COL22A1: variants seen among roughly 807,000 people sequenced by gnomAD.
The protein encoded by COL22A1 is collagen type XXII alpha 1 chain.
In COL22A1, 221 loss-of-function variants were observed where a neutral mutation model predicts 248.9. That is an observed-to-expected ratio of 0.89 (90% CI 0.80 to 0.99). The LOEUF is 0.99. Among genes scored for constraint, COL22A1 ranks in the 50% least tolerant of loss-of-function variants. The pLI, the probability that COL22A1 is intolerant of heterozygous loss-of-function variation, is 0.00. For synonymous variants in COL22A1, 891 were observed against 793.4 expected (o/e 1.12, Z -2.07); for missense variants, 2,240 against 2,179.0 (o/e 1.03, Z -0.56).
At chr8:138,834,652 G>T in intron 4 of COL22A1, among the ~76,000 whole-genome samples, 1 of 152,128 alleles carries the variant, frequency 6.6e-6, no homozygotes, top group South Asian at 2.1e-4. Flanking sequence ...GTAAAAAGGG[G>T]ATTATTTTCG....
At chr8:138,887,157 T>A (rs1205628946) in intron 1 of COL22A1, among the ~76,000 whole-genome samples, 3 of 152,122 alleles carry the variant, frequency 2.0e-5, no homozygotes, top group Non-Finnish European at 4.4e-5. Flanking sequence ...TCTATTCTTT[T>A]ACCTGTTAAC....
At position 138,703,321 on chromosome 8, in the gene COL22A1, G is replaced by T; in HGVS notation, c.2544C>A (p.Pro848=). 1.9e-6 allele frequency: 3 copies of T among 1,613,592 alleles called. No individual in the cohort carries two copies. The highest frequency in any genetic ancestry group is 2.2e-5 in the South Asian group (2 of 91,064). Residue 848 remains proline (P), a synonymous_variant, in exon 31 of 65, where the codon CCC becomes CCA. Transcript: ENST00000303045. ...AGTAACTTACAGTTCCAGGTAACCC[G>T]GGAGGGCCTGCAGGACCAGCTTCAC... ...EKGEAGPAGP[P]GLPGTTSLFT...
intron 31 of COL22A1, among the ~76,000 whole-genome samples, chr8:138,702,869 G>A (rs1412155597): frequency 6.6e-6 from 1 of 152,108 alleles, no homozygotes; most frequent in Non-Finnish European, 1.5e-5. Flanking sequence ...AGAGCTGGGA[G>A]CCAGGTCTTC....
intron 3 of COL22A1, among the ~76,000 whole-genome samples, chr8:138,853,084 A>C (rs1253733734): frequency 6.6e-6 from 1 of 152,204 alleles, no homozygotes. Context: ...CCTGAGGCAG[A>C]GAATCACTTG....
intron 59 of COL22A1, 132 bp downstream of exon 59, chr8:138,604,602 G>A: frequency 3.9e-6 from 3 of 773,234 alleles, no homozygotes; most frequent in Admixed American, 4.7e-5. Context: ...AAGGCATTAA[G>A]AATTTCAAAA....
In COL22A1 at chr8:138,703,293, C is replaced by T. The variant is rs779082216; in HGVS notation, c.2559+13G>A. On this transcript the variant is annotated intron_variant, in intron 31 of 64. Coordinates refer to ENST00000303045, the MANE Select transcript of COL22A1 (RefSeq NM_152888.3). ...AATTCAGAGGAGAAAGAATTAGAAG[C>T]GGAGTAACTTACAGTTCCAGGTAAC... The T allele has an allele frequency of 1.6e-5, 26 of 1,609,938 alleles. No homozygotes were observed. Among genetic ancestry groups the T allele is most frequent in the South Asian group, 1.5e-4 (14 of 91,006 alleles).
chr8:138,843,453 T>C (rs1821025654), intron 4 of COL22A1, among the ~76,000 whole-genome samples: 1 of 151,978 alleles, frequency 6.6e-6, no homozygotes, highest in South Asian at 2.1e-4. Flanking sequence ...TGGTTGGGAG[T>C]TGGGAGAGAA....
chr8:138,594,222 C>A, intron 62 of COL22A1, 23 bp from the exon 63 acceptor site: 16 of 1,556,472 alleles, frequency 1.0e-5, no homozygotes, highest in Non-Finnish European at 1.4e-5. Context: ...AAAAGAGAGG[C>A]ATTTCATGAA....
At chr8:138,838,427 C>T (rs1158678118) in intron 4 of COL22A1, among the ~76,000 whole-genome samples, 2 of 152,108 alleles carry the variant, frequency 1.3e-5, no homozygotes, top group African/African-American at 4.8e-5. Context: ...CCGGGAACTG[C>T]AAAGTGGGCC....
chr8:138,841,707 T>C (rs1034316253), intron 4 of COL22A1, among the ~76,000 whole-genome samples: 4 of 152,186 alleles, frequency 2.6e-5, no homozygotes, highest in Admixed American at 6.5e-5. Flanking sequence ...AGGGCAGTGC[T>C]GGAGGTTGAC....
chr8:138,725,471 G>A lies in COL22A1; in HGVS notation c.2140-31C>T, dbSNP rs1284900616. 1.9e-6 allele frequency: 3 copies of A among 1,589,642 alleles called. No individual in the cohort carries two copies. In the African/African-American group the frequency reaches 4.1e-5, roughly 22 times the overall value. ...GAGAAAGAGCATTTGGTGGGCTACA[G>A]ATGGGTCCTGATGAGCCTCCTAGGG... On this transcript the variant is annotated intron_variant, in intron 23 of 64. Transcript: ENST00000303045.
intron 16 of COL22A1, among the ~76,000 whole-genome samples, chr8:138,774,902 T>C (rs1814274471): frequency 6.6e-6 from 1 of 152,154 alleles, no homozygotes; most frequent in Non-Finnish European, 1.5e-5. Context: ...GGACGCAGCA[T>C]GGAATACAGG....
intron 59 of COL22A1, among the ~76,000 whole-genome samples, chr8:138,602,624 G>A (rs746859120): frequency 3.3e-5 from 5 of 152,066 alleles, no homozygotes; most frequent in Non-Finnish European, 7.4e-5. Context: ...TTCCCACCTG[G>A]CCTGCAGGTC....
chr8:138,842,529 T>C (rs1326342136), intron 4 of COL22A1, among the ~76,000 whole-genome samples: 1 of 152,114 alleles, frequency 6.6e-6, no homozygotes, highest in Non-Finnish European at 1.5e-5. Flanking sequence ...CTCCAGTGGA[T>C]AGAAAATAGA....
At chr8:138,843,510 G>A (rs1018694200) in intron 4 of COL22A1, among the ~76,000 whole-genome samples, 3 of 152,180 alleles carry the variant, frequency 2.0e-5, no homozygotes, top group African/African-American at 7.2e-5. Context: ...CAGGGTGCCC[G>A]GCCACAGGGA....
chr8:138,773,959 C>G (rs181812955), intron 16 of COL22A1, among the ~76,000 whole-genome samples: 60 of 152,284 alleles, frequency 3.9e-4, no homozygotes, highest in Admixed American at 2.1e-3. Flanking sequence ...TGAAATAAGA[C>G]CCCTGCTCCC....
rs140650118 is a variant in COL22A1, at chr8:138,866,019, C to CTG, written c.658+11729_658+11730dup. On this transcript the variant is annotated intron_variant, in intron 3 of 64. Transcript: ENST00000303045. ...TGTGTCTATGTATGTTTGTATGACT[C>CTG]TGTGTGTGTGTGTGTTTGTGCATGT... 2.4e-3 allele frequency among the ~76,000 whole-genome samples: 368 copies of CTG among 150,932 alleles called. 2 individuals are homozygous for CTG. Among genetic ancestry groups the CTG allele is most frequent in the African/African-American group, 7.6e-3 (312 of 41,196 alleles).
intron 41 of COL22A1, among the ~76,000 whole-genome samples, chr8:138,671,676 T>C (rs1825039860): frequency 6.6e-6 from 1 of 152,216 alleles, no homozygotes; most frequent in Admixed American, 6.5e-5. Flanking sequence ...TGGAGGTTCT[T>C]CCACGGAGCA....
At chr8:138,716,991 T>C (rs1245500924) in intron 27 of COL22A1, 122 bp from the exon 28 acceptor site, 2 of 777,970 alleles carry the variant, frequency 2.6e-6, no homozygotes, top group Admixed American at 1.9e-5. Flanking sequence ...TTTTCAAATA[T>C]ACGGCATGGT....
Sources: allele counts gnomAD v4.1 joint callset (sites outside exome capture counted in the v4.1 genomes callset), GRCh38; gene constraint gnomAD v4.1.1; transcripts MANE v1.5; gene names NCBI Gene and HGNC (gene_info 2026-07-23, HGNC 2026-07-21).